The following SLC9A9 variants were observed in gnomAD, a reference collection of about 807,000 sequenced individuals.
SLC9A9 encodes the protein solute carrier family 9 member A9.
SLC9A9 carries 62 observed loss-of-function variants against 77.8 expected under a neutral mutation model. The observed-to-expected ratio is 0.80, with a 90% CI of 0.65 to 0.98. The LOEUF is 0.98. SLC9A9 is among the 50% of genes least tolerant of loss of function. The probability of loss-of-function intolerance (pLI) is 0.00; values close to 1 mark genes in which losing one functional copy is unlikely to be tolerated. For synonymous variants in SLC9A9, 320 were observed against 283.5 expected, an observed-to-expected ratio of 1.13 and a Z score of -1.29; for missense variants, 775 against 774.9, an observed-to-expected ratio of 1.00 and a Z score of 0.00.
chr3:143,741,137 C>A (rs945246777), intron 4 of SLC9A9, among the ~76,000 whole-genome samples: 8 of 152,164 alleles, frequency 5.3e-5, no homozygotes, highest in African/African-American at 1.9e-4. Flanking sequence ...CACCCAAGAT[C>A]CTGGTTTCTA....
At chr3:143,414,591 AT>A (rs2034158353) in intron 12 of SLC9A9, among the ~76,000 whole-genome samples, 1 of 152,114 alleles carries the variant, frequency 6.6e-6, no homozygotes, top group Admixed American at 6.5e-5. Flanking sequence ...CTGTTTTGTA[AT>A]TGTTCTGGGA....
chr3:143,541,116 T>C (rs1015361799), intron 9 of SLC9A9, among the ~76,000 whole-genome samples: 4 of 152,180 alleles, frequency 2.6e-5, no homozygotes, highest in African/African-American at 9.7e-5. Flanking sequence ...TCCCCTCCCA[T>C]TGCTCATGGT....
At chr3:143,817,165 G>T (rs1385779004) in intron 2 of SLC9A9, among the ~76,000 whole-genome samples, 1 of 146,286 alleles carries the variant, frequency 6.8e-6, no homozygotes, top group African/African-American at 2.5e-5. Flanking sequence ...TTTTTGAGAC[G>T]GAGTCTCGCT....
chr3:143,797,256 T>C (rs1482477587), intron 2 of SLC9A9, among the ~76,000 whole-genome samples: 2 of 152,108 alleles, frequency 1.3e-5, no homozygotes, highest in South Asian at 2.1e-4. Context: ...AAAATATTTT[T>C]GGAAATTGGT....
chr3:143,353,251 T>C (rs983915658), intron 14 of SLC9A9, among the ~76,000 whole-genome samples: 5 of 152,212 alleles, frequency 3.3e-5, no homozygotes, highest in African/African-American at 1.2e-4. Flanking sequence ...CTGGCTTCCA[T>C]GGCACTTGCT....
intron 14 of SLC9A9, among the ~76,000 whole-genome samples, chr3:143,349,543 A>AAGAT (rs1203586520): frequency 6.6e-6 from 1 of 152,224 alleles, no homozygotes; most frequent in East Asian, 1.9e-4. Context: ...AACATCCTGC[A>AAGAT]AGATAGGTAT....
chr3:143,343,185 A>G (rs1052868305), intron 14 of SLC9A9, among the ~76,000 whole-genome samples: 9 of 152,184 alleles, frequency 5.9e-5, no homozygotes, highest in African/African-American at 2.2e-4. Flanking sequence ...AGTGTATCCT[A>G]TAGACTTAAT....
chr3:143,509,906 A>G (rs1019654825), intron 9 of SLC9A9, among the ~76,000 whole-genome samples: 1 of 152,220 alleles, frequency 6.6e-6, no homozygotes, highest in Non-Finnish European at 1.5e-5. Flanking sequence ...TGTCCTCTAC[A>G]CACTAAATGC....
intron 6 of SLC9A9, among the ~76,000 whole-genome samples, chr3:143,638,431 A>G (rs1490536781): frequency 2.0e-5 from 3 of 152,224 alleles, no homozygotes; most frequent in African/African-American, 7.2e-5. Context: ...TATGTGAGTT[A>G]TTTCATCTAA....
chr3:143,726,251 G>GAAAAAAA (rs3055626), intron 4 of SLC9A9, among the ~76,000 whole-genome samples: 1 of 136,920 alleles, frequency 7.3e-6, no homozygotes, highest in Non-Finnish European at 1.5e-5. Flanking sequence ...AATAAAAAAA[G>GAAAAAAA]AAAAAAAAAA....
At chr3:143,280,542 ATTTTTTTT>A (rs58879877) in intron 14 of SLC9A9, among the ~76,000 whole-genome samples, 6 of 118,172 alleles carry the variant, frequency 5.1e-5, no homozygotes, top group South Asian at 2.7e-4. Context: ...CTAGAACTAC[ATTTTTTTT>A]TTTTTTTTTT....
intron 6 of SLC9A9, among the ~76,000 whole-genome samples, chr3:143,631,526 G>C: frequency 6.6e-6 from 1 of 152,236 alleles, no homozygotes; most frequent in Middle Eastern, 3.4e-3. Context: ...AGTGAGGAAA[G>C]TCTCACTCTT....
chr3:143,273,953 G>A (rs1455762493), intron 14 of SLC9A9, among the ~76,000 whole-genome samples: 1 of 152,138 alleles, frequency 6.6e-6, no homozygotes, highest in African/African-American at 2.4e-5. Flanking sequence ...TTTAGGGTGA[G>A]GACAGGTATA....
At chr3:143,532,306 G>A (rs544245371) in intron 9 of SLC9A9, among the ~76,000 whole-genome samples, 22 of 152,282 alleles carry the variant, frequency 1.4e-4, no homozygotes, top group African/African-American at 5.1e-4. Context: ...TGAACCTGGT[G>A]TAGAGAGCTG....
At chr3:143,421,933 T>C (rs1576486125) in intron 12 of SLC9A9, among the ~76,000 whole-genome samples, 1 of 152,018 alleles carries the variant, frequency 6.6e-6, no homozygotes. Flanking sequence ...ACAAAAGGCA[T>C]GAACAGAAAC....
At chr3:143,541,340 G>A (rs966444232) in intron 9 of SLC9A9, among the ~76,000 whole-genome samples, 7 of 152,284 alleles carry the variant, frequency 4.6e-5, no homozygotes, top group South Asian at 4.1e-4. Context: ...CAACAGCCAC[G>A]TAAATGAGGC....
At chr3:143,734,353 C>A (rs7616384) in intron 4 of SLC9A9, among the ~76,000 whole-genome samples, 17,502 of 151,916 alleles carry the variant, frequency 0.12, 1,480 homozygotes, top group African/African-American at 0.24. Context: ...ATGTGTGTGC[C>A]TGTGTGTGTC....
intron 5 of SLC9A9, among the ~76,000 whole-genome samples, chr3:143,689,516 AGCC>A (rs1352272980): frequency 1.3e-5 from 2 of 151,910 alleles, no homozygotes; most frequent in Non-Finnish European, 2.9e-5. Flanking sequence ...CTCCCACCTC[AGCC>A]TCCCAAGTAG....
chr3:143,485,526 T>C (rs1272846733), intron 11 of SLC9A9, among the ~76,000 whole-genome samples: 2 of 152,152 alleles, frequency 1.3e-5, no homozygotes, highest in Non-Finnish European at 2.9e-5. Context: ...GGAGACCTTA[T>C]GTTTCTATCT....
Sources: allele counts gnomAD v4.1 joint callset (sites outside exome capture counted in the v4.1 genomes callset), GRCh38; gene constraint gnomAD v4.1.1; transcripts MANE v1.5; gene names NCBI Gene and HGNC (gene_info 2026-07-23, HGNC 2026-07-21).